The following HEY1 variants were observed in gnomAD, a reference collection of about 807,000 sequenced individuals.
HEY1 encodes the protein hes related family bHLH transcription factor with YRPW motif 1, also known as hairy/enhancer-of-split related with YRPW motif protein 1.
In HEY1, 9 loss-of-function variants were observed where a neutral mutation model predicts 28.7. The observed-to-expected ratio is 0.31, with a 90% CI of 0.19 to 0.55. The LOEUF is 0.55. Ranked by LOEUF, HEY1 falls within the 20% of genes least tolerant of loss-of-function variation. HEY1 has a pLI of 0.93. For missense variants in HEY1, 385 were observed against 399.4 expected, an observed-to-expected ratio of 0.96 and a Z score of 0.31; for synonymous variants, 213 against 175.6, an observed-to-expected ratio of 1.21 and a Z score of -1.68.
rs745721301 is a variant in HEY1, at chr8:79,766,666, T to C, written c.316A>G (p.Thr106Ala). 7 of 1,614,242 alleles carry C rather than the reference T, an allele frequency of 4.3e-6. No individual in the cohort carries two copies. The highest frequency in any genetic ancestry group is 5.1e-6 in the Non-Finnish European group (6 of 1,180,044). Residue 106 changes from threonine (T) to alanine (A), a missense_variant, in exon 4 of 5, where the codon ACG becomes GCG. Thr to Ala is a moderately conservative substitution (Grantham distance 58). Transcript: ENST00000354724. ...MTVDHLKMLH[T>A]AGGKGYFDAH... ...GGAGATGTACCTTTCCCTCCTGCCG[T>C]ATGCAGCATTTTCAGGTGATCCACG...
Position 79,767,002 on chromosome 8 carries a change from C to G in HEY1, c.249+7G>C. 6.2e-7 allele frequency: 1 copy of G among 1,610,954 alleles called. No individual in the cohort carries two copies. Among genetic ancestry groups the G allele is most frequent in the Non-Finnish European group, 8.5e-7 (1 of 1,177,240 alleles). ...ATGCTGAGAGCTTTACCTACTTGCT[C>G]CATTACCTGCTTCTCAAAAGCACTG... is the stretch of plus-strand genomic sequence containing the variant. On this transcript the variant is annotated splice_region_variant and intron_variant, in intron 3 of 4. Transcript: ENST00000354724.
In HEY1 at chr8:79,765,748, C is replaced by T; in HGVS notation, c.355G>A (p.Ala119Thr). 1 of 1,608,770 alleles carries T rather than the reference C, an allele frequency of 6.2e-7. No homozygotes were observed. The highest frequency in any genetic ancestry group is 2.2e-5 in the East Asian group (1 of 44,708). Reference protein sequence around the residue: ...GKGYFDAHALAMDYRSLGFRE... With the variant: ...GKGYFDAHALTMDYRSLGFRE... ...AATCCCAAACTCCGATAGTCCATAG[C>T]AAGGGCGTGCGCGTCAAAGTAACCT... Residue 119 changes from alanine to threonine, a missense_variant, in exon 5 of 5, where the codon GCT becomes ACT. Coordinates refer to ENST00000354724, the MANE Select transcript of HEY1 (RefSeq NM_012258.4).
rs1807869835 is a variant in HEY1 at position 79,767,297 on chromosome 8, GAA to G, written c.90-5_90-4del. The G allele has an allele frequency of 6.2e-7, 1 of 1,607,788 alleles. No individual in the cohort carries two copies. Among genetic ancestry groups the G allele is most frequent in the Non-Finnish European group, 8.5e-7 (1 of 1,177,934 alleles). ...AACCTAGAGCCGAACTCAAGTTTCT[GAA>G]AAGAGAAAAAGAACAAACAAAAACT... On this transcript the variant is annotated splice_polypyrimidine_tract_variant and splice_region_variant and intron_variant, in intron 1 of 4. Coordinates refer to ENST00000354724, the MANE Select transcript of HEY1 (RefSeq NM_012258.4).
chr8:79,766,910 AG>A, intron 3 of HEY1, 98 bp downstream of exon 3: 1 of 1,254,096 alleles, frequency 8.0e-7, no homozygotes, highest in Non-Finnish European at 1.2e-6. Context: ...TCTAGGCACA[AG>A]CAACACAGCT....
intron 4 of HEY1, chr8:79,766,385 G>A (rs753975362): frequency 8.9e-6 from 13 of 1,457,706 alleles, no homozygotes; most frequent in Non-Finnish European, 1.2e-5. Flanking sequence ...AATCAGGGCT[G>A]TCACAACTTT....
chr8:79,767,297 GAAA>G lies in HEY1; in HGVS notation c.90-6_90-4del. 1 of 1,607,788 alleles carries G rather than the reference GAAA, an allele frequency of 6.2e-7. No individual in the cohort carries two copies. Among genetic ancestry groups the G allele is most frequent in the Non-Finnish European group, 8.5e-7 (1 of 1,177,934 alleles). Reference sequence around the variant, plus strand: ...AACCTAGAGCCGAACTCAAGTTTCTGAAAAGAGAAAAAGAACAAACAAAAACTG... The same window carrying G: ...AACCTAGAGCCGAACTCAAGTTTCTGAGAGAAAAAGAACAAACAAAAACTG... On this transcript the variant is annotated splice_polypyrimidine_tract_variant and splice_region_variant and intron_variant, in intron 1 of 4. Transcript: ENST00000354724.
rs774080653 is a variant in HEY1, at chr8:79,765,241, C to T, written c.862G>A (p.Ala288Thr). 7.1e-6 allele frequency: 11 copies of T among 1,553,600 alleles called. No individual in the cohort carries two copies. Among genetic ancestry groups the T allele is most frequent in the Non-Finnish European group, 8.7e-6 (10 of 1,147,748 alleles). Residue 288 changes from alanine to threonine, a missense_variant, in exon 5 of 5, where the codon GCA becomes ACA. Transcript: ENST00000354724. Reference sequence around the variant, plus strand: ...GGTCTATAGGGCTTGCCAAGGTTTGCAGCCTGCGTGGGTGCTGAAGGGCTC... The same window carrying T: ...GGTCTATAGGGCTTGCCAAGGTTTGTAGCCTGCGTGGGTGCTGAAGGGCTC... ...ALSPSAPTQA[A>T]NLGKPYRPWG...
In HEY1 at chr8:79,765,343, G is replaced by C; in HGVS notation, c.760C>G (p.Leu254Val). The C allele has an allele frequency of 1.3e-6, 2 of 1,575,944 alleles. No homozygotes were observed. The highest frequency in any genetic ancestry group is 1.2e-5 in the South Asian group (1 of 86,602). Reference protein sequence around the residue: ...VTSASKLSPPLLSSVASLSAF... With the variant: ...VTSASKLSPPVLSSVASLSAF... The stretch of plus-strand genomic sequence containing the variant: ...GACAGGGAGGCCACTGAGGAGAGCA[G>C]AGGCGGCGACAGTTTGGAGGCGGAG... The change falls in exon 5 of 5, where the codon CTG becomes GTG. Residue 254 changes from leucine to valine, a missense_variant. Transcript: ENST00000354724.
At position 79,764,037 on chromosome 8, in the gene HEY1, C is replaced by T. The variant is rs1410854821; in HGVS notation, c.*1151G>A. Reference sequence around the variant, plus strand: ...CTTTGTTCTTTCTTTTTTATTTAGTCACAACACATCAGTACAACAGAGGTC... The same window carrying T: ...CTTTGTTCTTTCTTTTTTATTTAGTTACAACACATCAGTACAACAGAGGTC... On this transcript the variant is annotated 3_prime_UTR_variant, in exon 5 of 5. Coordinates refer to ENST00000354724, the MANE Select transcript of HEY1 (RefSeq NM_012258.4). 1 of 181,510 alleles carries T rather than the reference C, an allele frequency of 5.5e-6. No individual in the cohort carries two copies. The highest frequency in any genetic ancestry group is 2.4e-5 in the African/African-American group (1 of 42,348). 11.2% of individuals were successfully genotyped at this position (181,510 alleles called of 1,614,324 possible).
rs373735166 is a variant in HEY1 at position 79,765,530 on chromosome 8, C to A, written c.573G>T (p.Ala191=). Residue 191 remains alanine (A), a synonymous_variant, in exon 5 of 5, where the codon GCG becomes GCT. Transcript: ENST00000354724. The stretch of plus-strand genomic sequence containing the variant: ...CGTTCTGGGGCAGCAACAGCGGGTG[C>A]GCGATGTGCGGGTGATGTCCGAAGA... The part of the protein sequence containing the change: ...GTVFGHHPHI[A]HPLLLPQNGH... 6.8e-5 allele frequency: 110 copies of A among 1,613,612 alleles called. No homozygotes were observed. Among genetic ancestry groups the A allele is most frequent in the Non-Finnish European group, 8.6e-5 (102 of 1,179,982 alleles).
In HEY1 at chr8:79,765,472, T is replaced by C. The variant is rs757186750; in HGVS notation, c.631A>G (p.Thr211Ala). Reference protein sequence around the residue: ...HGNAGTTASPTEPHHQGRLGS... With the variant: ...HGNAGTTASPAEPHHQGRLGS... The stretch of plus-strand genomic sequence containing the variant: ...AGCCTGCCCTGGTGGTGCGGTTCCG[T>C]GGGTGAGGCCGTGGTGCCCGCGTTC... Residue 211 changes from threonine to alanine, a missense_variant, in exon 5 of 5, where the codon ACG becomes GCG. Thr to Ala is a moderately conservative substitution (Grantham distance 58). Coordinates refer to ENST00000354724, the MANE Select transcript of HEY1 (RefSeq NM_012258.4). 3.7e-6 allele frequency: 6 copies of C among 1,613,278 alleles called. No individual in the cohort carries two copies. The highest frequency in any genetic ancestry group is 4.2e-6 in the Non-Finnish European group (5 of 1,179,704).
At position 79,765,060 on chromosome 8, in the gene HEY1, A is replaced by C. The variant is rs1207033197; in HGVS notation, c.*128T>G. 1 of 635,566 alleles carries C rather than the reference A, an allele frequency of 1.6e-6. No individual in the cohort carries two copies. The allele number at this position is 635,566 out of a possible 1,614,324, so 39.4% of individuals were successfully genotyped here. A position where few individuals can be genotyped will look rare whatever the true frequency, so the allele number is the denominator to read the frequency against. ...TAAACCAACAAACCTTTAGTCTTTAAAAAAAAAATTATCTGAAAGTGTACC... is the reference window on the plus strand; with the variant it reads ...TAAACCAACAAACCTTTAGTCTTTACAAAAAAAATTATCTGAAAGTGTACC... On this transcript the variant is annotated 3_prime_UTR_variant, in exon 5 of 5. Transcript: ENST00000354724.
At chr8:79,767,537 C>A in intron 1 of HEY1, 38 bp downstream of exon 1, 1 of 1,566,912 alleles carries the variant, frequency 6.4e-7, no homozygotes, top group Admixed American at 1.8e-5. Flanking sequence ...GCTCGCCTCC[C>A]GCTCTGGCTC....
Position 79,764,426 on chromosome 8 carries a change from T to C in HEY1, c.*762A>G. 1 of 226,232 alleles carries C rather than the reference T, an allele frequency of 4.4e-6. No homozygotes were observed. The highest frequency in any genetic ancestry group is 8.8e-6 in the Non-Finnish European group (1 of 113,580). The allele number at this position is 226,232 out of a possible 1,614,324, so 14.0% of individuals were successfully genotyped here. ...GCTGGTAAATGCAGGCGTATTCTAT[T>C]CAATTACCTTCAGTTTCCTTTCCAC... On this transcript the variant is annotated 3_prime_UTR_variant, in exon 5 of 5. Coordinates refer to ENST00000354724, the MANE Select transcript of HEY1 (RefSeq NM_012258.4).
chr8:79,767,418 C>A, intron 1 of HEY1, 124 bp from the exon 2 acceptor site: 1 of 1,126,404 alleles, frequency 8.9e-7, no homozygotes, highest in Non-Finnish European at 1.3e-6. Flanking sequence ...CTGGAAGGCA[C>A]CTAGGGGTTC....
chr8:79,767,000 C>T lies in HEY1; in HGVS notation c.249+9G>A. On this transcript the variant is annotated intron_variant, in intron 3 of 4. Coordinates refer to ENST00000354724, the MANE Select transcript of HEY1 (RefSeq NM_012258.4). ...CTATGCTGAGAGCTTTACCTACTTG[C>T]TCCATTACCTGCTTCTCAAAAGCAC... The T allele has an allele frequency of 6.2e-7, 1 of 1,609,334 alleles. No individual in the cohort carries two copies. The highest frequency in any genetic ancestry group is 8.5e-7 in the Non-Finnish European group (1 of 1,175,772).
intron 4 of HEY1, 44 bp downstream of exon 4, chr8:79,766,607 C>G: frequency 6.2e-7 from 1 of 1,612,036 alleles, no homozygotes; most frequent in South Asian, 1.1e-5. Flanking sequence ...GCTGCTCACT[C>G]TTTGCCAACC....
Position 79,767,458 on chromosome 8 carries a change from C to T in HEY1, c.89+117G>A, listed in dbSNP as rs1035611856. 4.3e-6 allele frequency: 5 copies of T among 1,158,280 alleles called. No individual in the cohort carries two copies. The African/African-American group carries it at 4.7e-5, about 11-fold the overall frequency. The allele number at this position is 1,158,280 out of a possible 1,614,324, so 71.8% of individuals were successfully genotyped here. ...GCCGCAGGCTGCCGCCAGCCTGCGACGCGCGGAGGTCAGCGCAGGGCACCG... is the reference window on the plus strand; with the variant it reads ...GCCGCAGGCTGCCGCCAGCCTGCGATGCGCGGAGGTCAGCGCAGGGCACCG... On this transcript the variant is annotated intron_variant, in intron 1 of 4. Coordinates refer to ENST00000354724, the MANE Select transcript of HEY1 (RefSeq NM_012258.4).
In HEY1 at chr8:79,765,721, GA is replaced by G; in HGVS notation, c.381del (p.Arg128GlyfsTer11). 1 of 1,614,102 alleles carries G rather than the reference GA, an allele frequency of 6.2e-7. No individual in the cohort carries two copies. The highest frequency in any genetic ancestry group is 8.5e-7 in the Non-Finnish European group (1 of 1,179,964). On this transcript the variant is annotated frameshift_variant, in exon 5 of 5. Coordinates refer to ENST00000354724, the MANE Select transcript of HEY1 (RefSeq NM_012258.4). LOFTEE classifies it high-confidence loss of function. ...CGCGCAACTTCTGCCAGGCATTCCC[GA>G]AATCCCAAACTCCGATAGTCCATAG... ...ALAMDYRSLG[F>X]RECLAEVARY...
Sources: allele counts gnomAD v4.1 joint callset, GRCh38; gene constraint gnomAD v4.1.1; transcripts MANE v1.5; gene names NCBI Gene and HGNC (gene_info 2026-07-23, HGNC 2026-07-21).